The following ADGRL3 variants were observed in gnomAD, a reference collection of about 807,000 sequenced individuals.
ADGRL3 encodes the protein adhesion G protein-coupled receptor L3.
A neutral mutation model predicts 153.5 loss-of-function variants in ADGRL3; 62 were observed. That is an observed-to-expected ratio of 0.40 (90% CI 0.33 to 0.50). The LOEUF is 0.50. Among genes scored for constraint, ADGRL3 ranks in the 20% least tolerant of loss-of-function variants. The pLI, the probability that ADGRL3 is intolerant of heterozygous loss-of-function variation, is 0.47. For missense variants in ADGRL3, 1,641 were observed against 1,859.4 expected (o/e 0.88, Z 2.16); for synonymous variants, 710 against 672.5 (o/e 1.06, Z -0.86).
intron 2 of ADGRL3, among the ~76,000 whole-genome samples, chr4:61,408,277 G>T (rs186324149): frequency 6.6e-6 from 1 of 152,062 alleles, no homozygotes; most frequent in East Asian, 1.9e-4. Flanking sequence ...GGTCCTCAAT[G>T]AATTCCAAAT....
chr4:61,298,484 G>T (rs1264074629), intron 1 of ADGRL3, among the ~76,000 whole-genome samples: 3 of 152,074 alleles, frequency 2.0e-5, no homozygotes, highest in Non-Finnish European at 1.5e-5. Flanking sequence ...GAGAACAAAT[G>T]ATTAGATTTT....
chr4:61,932,607 A>T (rs1286867493), intron 13 of ADGRL3, among the ~76,000 whole-genome samples: 4 of 152,042 alleles, frequency 2.6e-5, no homozygotes, highest in African/African-American at 7.2e-5. Flanking sequence ...TTGCATCTGT[A>T]TTCATCAGGA....
rs531021360 is a variant in ADGRL3, at chr4:61,811,809, A to G, written c.1400-2000A>G. On this transcript the variant is annotated intron_variant, in intron 8 of 26. Transcript: ENST00000683033. ...AAATGCACATGTATTAACAAAGTACATAGTGATGGGGGTTGTATGAAAGGA... is the reference window on the plus strand; with the variant it reads ...AAATGCACATGTATTAACAAAGTACGTAGTGATGGGGGTTGTATGAAAGGA... Among the ~76,000 whole-genome samples, 3 of 152,268 alleles carry G rather than the reference A, an allele frequency of 2.0e-5. No individual in the cohort carries two copies. In the East Asian group the frequency reaches 5.8e-4, roughly 29 times the overall value.
At chr4:61,472,335 A>C (rs994002886) in intron 2 of ADGRL3, among the ~76,000 whole-genome samples, 1 of 152,106 alleles carries the variant, frequency 6.6e-6, no homozygotes, top group African/African-American at 2.4e-5. Flanking sequence ...GATGTTACTT[A>C]ACTAGTGCCT....
rs562929961 is a variant in ADGRL3, at chr4:61,961,328, T to C, written c.2805+13052T>C. 5.3e-5 allele frequency among the ~76,000 whole-genome samples: 8 copies of C among 152,272 alleles called. No individual in the cohort carries two copies. The East Asian group carries it at 1.5e-3, about 29-fold the overall frequency. ...TTAATTCCCCAGGTTGTGGAGAGTA[T>C]GTAGAACTATATTTTGCTTGCATAC... On this transcript the variant is annotated intron_variant, in intron 17 of 26. Coordinates refer to ENST00000683033, the MANE Select transcript of ADGRL3 (RefSeq NM_001387552.1).
intron 13 of ADGRL3, among the ~76,000 whole-genome samples, chr4:61,914,260 G>A (rs1427740078): frequency 6.6e-6 from 1 of 152,044 alleles, no homozygotes; most frequent in Admixed American, 6.6e-5. Flanking sequence ...TTGGCCAAAC[G>A]TGTCTATTAC....
At chr4:61,999,258 A>T (rs1002664846) in intron 21 of ADGRL3, among the ~76,000 whole-genome samples, 1 of 152,180 alleles carries the variant, frequency 6.6e-6, no homozygotes, top group South Asian at 2.1e-4. Context: ...CCCAAGTTCC[A>T]CTTTTGTACG....
chr4:61,507,898 T>C lies in ADGRL3; in HGVS notation c.56-9417T>C, dbSNP rs545258315. ...TGATTAAGGTAGAGTGCCTCATTAC[T>C]ATAGTTGTAAAGATTTTTAAAGGAA... On this transcript the variant is annotated intron_variant, in intron 3 of 26. Coordinates refer to ENST00000683033, the MANE Select transcript of ADGRL3 (RefSeq NM_001387552.1). Among the ~76,000 whole-genome samples, 7 of 152,316 alleles carry C rather than the reference T, an allele frequency of 4.6e-5. No individual in the cohort carries two copies. The South Asian group carries it at 1.4e-3, about 32-fold the overall frequency.
chr4:61,482,457 A>C (rs1197670909), intron 2 of ADGRL3, among the ~76,000 whole-genome samples: 1 of 152,174 alleles, frequency 6.6e-6, no homozygotes, highest in Non-Finnish European at 1.5e-5. Context: ...AAACAATGAC[A>C]CTATATATCT....
intron 1 of ADGRL3, among the ~76,000 whole-genome samples, chr4:61,368,395 G>A (rs2096450725): frequency 5.9e-5 from 9 of 152,182 alleles, no homozygotes; most frequent in Middle Eastern, 3.4e-3. Context: ...ATCTTGAATT[G>A]ATTTTTGTAT....
At chr4:61,395,165 A>G (rs1672351972) in intron 2 of ADGRL3, among the ~76,000 whole-genome samples, 1 of 151,978 alleles carries the variant, frequency 6.6e-6, no homozygotes, top group Non-Finnish European at 1.5e-5. Flanking sequence ...ATCTAGTGAT[A>G]AGGTGGTTGA....
At chr4:61,752,539 G>T (rs1355770790) in intron 8 of ADGRL3, among the ~76,000 whole-genome samples, 1 of 152,136 alleles carries the variant, frequency 6.6e-6, no homozygotes, top group African/African-American at 2.4e-5. Context: ...TTTCCTCTGG[G>T]TATTTGGAGA....
chr4:61,529,191 T>C (rs1047877127), intron 4 of ADGRL3, among the ~76,000 whole-genome samples: 1 of 152,186 alleles, frequency 6.6e-6, no homozygotes, highest in African/African-American at 2.4e-5. Context: ...TTTTATAATA[T>C]GTCTGTAGCT....
chr4:61,518,398 A>G (rs1360905505), intron 4 of ADGRL3, among the ~76,000 whole-genome samples: 1 of 456 alleles, frequency 2.2e-3, no homozygotes, highest in Non-Finnish European at 0.019. Flanking sequence ...AGGGATACAC[A>G]TATTAAGTAA....
chr4:61,307,323 T>C (rs1317759380), intron 1 of ADGRL3, among the ~76,000 whole-genome samples: 1 of 152,174 alleles, frequency 6.6e-6, no homozygotes, highest in Non-Finnish European at 1.5e-5. Flanking sequence ...AATTCTGAGA[T>C]ATTATGTCTA....
intron 5 of ADGRL3, among the ~76,000 whole-genome samples, chr4:61,655,652 G>A (rs2094424017): frequency 1.3e-5 from 2 of 152,094 alleles, no homozygotes; most frequent in African/African-American, 2.4e-5. Context: ...CAAGAAGGTC[G>A]TCATTTTTCT....
rs147653707 is a variant in ADGRL3 at position 61,926,732 on chromosome 4, A to G, written c.2113-8108A>G. On this transcript the variant is annotated intron_variant, in intron 13 of 26. Transcript: ENST00000683033. ...CTCCACAAATATTAACCGTTACTGT[A>G]TATTGCTCTATTACCTTACATGTTT... Among the ~76,000 whole-genome samples, 961 of 152,290 alleles carry G rather than the reference A, an allele frequency of 6.3e-3. 5 individuals are homozygous for G. Among genetic ancestry groups the G allele is most frequent in the African/African-American group, 0.021 (887 of 41,562 alleles).
intron 8 of ADGRL3, chr4:61,775,771 A>G (rs2097140676): frequency 1.2e-6 from 1 of 812,400 alleles, no homozygotes; most frequent in Admixed American, 1.7e-5. Flanking sequence ...GCAATCGTGG[A>G]TGAGGGCAGT....
At chr4:61,403,299 C>T (rs755075958) in intron 2 of ADGRL3, among the ~76,000 whole-genome samples, 13 of 152,022 alleles carry the variant, frequency 8.6e-5, no homozygotes, top group Non-Finnish European at 1.2e-4. Context: ...GACTAGTTTC[C>T]GGGGACATCA....
Sources: gnomAD v4.1 joint callset for allele counts (sites outside exome capture counted in the v4.1 genomes callset) on GRCh38, gnomAD v4.1.1 for gene constraint, MANE v1.5 for transcripts, NCBI Gene and HGNC (gene_info 2026-07-23, HGNC 2026-07-21) for gene names.